MOV10: variants seen among roughly 807,000 people sequenced by gnomAD.
The protein encoded by MOV10 is RNA helicase MOV-10.
MOV10 carries 39 observed loss-of-function variants against 108.4 expected under a neutral mutation model. The ratio of observed to expected loss-of-function variants is 0.36; its 90% CI spans 0.28 to 0.47. MOV10 has a LOEUF of 0.47. Among genes scored for constraint, MOV10 ranks in the 20% least tolerant of loss-of-function variants. MOV10 has a pLI of 1.00. For synonymous variants in MOV10, 490 were observed against 523.1 expected (o/e 0.94, Z 0.86); for missense variants, 952 against 1,297.6 (o/e 0.73, Z 4.09).
chr1:112,689,305 T>G, intron 3 of MOV10, 110 bp from the exon 4 acceptor site: 1 of 1,262,194 alleles, frequency 7.9e-7, no homozygotes, highest in Admixed American at 2.0e-5. Context: ...GTGAGTTTCC[T>G]AAGCACAGCT....
At chr1:112,686,009 G>A (rs1178828359) in intron 2 of MOV10, among the ~76,000 whole-genome samples, 2 of 152,108 alleles carry the variant, frequency 1.3e-5, no homozygotes, top group Non-Finnish European at 2.9e-5. Context: ...CTGGCCATCC[G>A]GGGCCTGCAT....
At chr1:112,698,198 A>T in intron 15 of MOV10, 87 bp downstream of exon 15, 1 of 1,597,790 alleles carries the variant, frequency 6.3e-7, no homozygotes, top group Middle Eastern at 1.7e-4. Context: ...ACCTTGGCCT[A>T]GGATCTCTTA....
intron 4 of MOV10, 47 bp from the exon 5 acceptor site, chr1:112,689,793 T>C (rs780297800): frequency 2.7e-5 from 43 of 1,600,108 alleles, no homozygotes; most frequent in Non-Finnish European, 3.3e-5. Flanking sequence ...GATAAGGATA[T>C]GGGTGGGAGG....
intron 14 of MOV10, chr1:112,697,786 G>A (rs1674243755): frequency 1.6e-6 from 1 of 607,780 alleles, no homozygotes; most frequent in South Asian, 1.9e-5. Flanking sequence ...GGAGTCCCTG[G>A]ACTAGATGCT....
At chr1:112,684,693 C>T (rs557534159) in intron 2 of MOV10, among the ~76,000 whole-genome samples, 3 of 152,192 alleles carry the variant, frequency 2.0e-5, no homozygotes, top group African/African-American at 7.2e-5. Context: ...TCCACATACC[C>T]ATTATAGTAA....
rs749104311 is a variant in MOV10 at position 112,698,421 on chromosome 1, G to A, written c.2451G>A (p.Lys817=). The part of the protein sequence containing the change: ...LKLLLAPSSK[K]GKARLSPRSV... ...TGCTCCTGGCCCCCTCCTCCAAGAA[G>A]GGCAAAGCTCGCCTGAGCCCTCGAA... Residue 817 remains lysine, a synonymous_variant, in exon 16 of 21, where the codon AAG becomes AAA. Transcript: ENST00000369645. The A allele has an allele frequency of 3.7e-6, 6 of 1,614,192 alleles. No homozygotes were observed. In the South Asian group the frequency reaches 6.6e-5, roughly 18 times the overall value.
chr1:112,676,893 G>T (rs1022309262), intron 2 of MOV10, among the ~76,000 whole-genome samples: 1 of 152,220 alleles, frequency 6.6e-6, no homozygotes, highest in African/African-American at 2.4e-5. Flanking sequence ...TGATCAAGGA[G>T]AGTCTTTGTC....
At position 112,694,770 on chromosome 1, in the gene MOV10, G is replaced by C. The variant is rs1461482495; in HGVS notation, c.1494G>C (p.Glu498Asp). 2 of 1,614,142 alleles carry C rather than the reference G, an allele frequency of 1.2e-6. No homozygotes were observed. The highest frequency in any genetic ancestry group is 1.7e-6 in the Non-Finnish European group (2 of 1,180,010). Residue 498 changes from glutamate (E) to aspartate (D), a missense_variant, in exon 10 of 21, where the codon GAG (glutamate) becomes GAC (aspartate). By Grantham distance (45) the Glu-to-Asp change is conservative. Transcript: ENST00000369645. The surrounding 1 kb of genome is among the most constrained non-coding windows in gnomAD (Gnocchi z 4.1). ...CCAGGCTGTACGACCGGAGTCTGGAGTCAAACCCAGAGCAGCTGCAGGCCA... is the reference window on the plus strand; with the variant it reads ...CCAGGCTGTACGACCGGAGTCTGGACTCAAACCCAGAGCAGCTGCAGGCCA... Reference protein sequence around the residue: ...VKLKLYDRSLESNPEQLQAMR... With the variant: ...VKLKLYDRSLDSNPEQLQAMR...
Position 112,700,698 on chromosome 1 carries a change from A to G in MOV10, c.*191A>G. 1 of 1,524,686 alleles carries G rather than the reference A, an allele frequency of 6.6e-7. No homozygotes were observed. The highest frequency in any genetic ancestry group is 8.8e-7 in the Non-Finnish European group (1 of 1,142,824). The allele number at this position is 1,524,686 out of a possible 1,614,324, so 94.4% of individuals were successfully genotyped here. A position where few individuals can be genotyped will look rare whatever the true frequency, so the allele number is the denominator to read the frequency against. ...AGCTGCTAACAATTGGGGGAAGGGGAAGGAAGAAAACTCTGAAAACAAAAT... is the reference window on the plus strand; with the variant it reads ...AGCTGCTAACAATTGGGGGAAGGGGGAGGAAGAAAACTCTGAAAACAAAAT... On this transcript the variant is annotated 3_prime_UTR_variant, in exon 21 of 21. Coordinates refer to ENST00000369645, the MANE Select transcript of MOV10 (RefSeq NM_001321324.2).
intron 14 of MOV10, among the ~76,000 whole-genome samples, chr1:112,697,131 A>G (rs1037528723): frequency 6.6e-5 from 10 of 152,120 alleles, no homozygotes; most frequent in African/African-American, 1.9e-4. Context: ...TCCCAGATGA[A>G]GTTTTCAGGC....
Position 112,694,833 on chromosome 1 carries a change from C to G in MOV10, c.1557C>G (p.Pro519=). The stretch of plus-strand genomic sequence containing the variant: ...TTACGGGCACCACCCGTCCAGCCCC[C>G]TACATCATCTTTGGGCCTCCAGGCA... The part of the protein sequence containing the change: ...HIVTGTTRPA[P]YIIFGPPGTG... The change falls in exon 10 of 21, where the codon CCC becomes CCG. Residue 519 remains proline (P), a synonymous_variant. Transcript: ENST00000369645. This position sits in a 1 kb window ranked among gnomAD's most constrained non-coding sequence, Gnocchi z 4.1. The G allele has an allele frequency of 6.2e-7, 1 of 1,614,160 alleles. No homozygotes were observed. The highest frequency in any genetic ancestry group is 1.1e-5 in the South Asian group (1 of 91,092).
At chr1:112,680,068 A>G (rs138499674) in intron 2 of MOV10, among the ~76,000 whole-genome samples, 1 of 152,258 alleles carries the variant, frequency 6.6e-6, no homozygotes, top group Non-Finnish European at 1.5e-5. Flanking sequence ...CACTAGAGAA[A>G]AAAACACACC....
chr1:112,694,822 C>T lies in MOV10; in HGVS notation c.1546C>T (p.Arg516Cys), dbSNP rs777118633. ...AMRHIVTGTT[R>C]PAPYIIFGPP... Reference sequence around the variant, plus strand: ...GAGGCACATTGTTACGGGCACCACCCGTCCAGCCCCCTACATCATCTTTGG... The same window carrying T: ...GAGGCACATTGTTACGGGCACCACCTGTCCAGCCCCCTACATCATCTTTGG... Residue 516 changes from arginine (R) to cysteine (C), a missense_variant, in exon 10 of 21, where the codon CGT becomes TGT. Coordinates refer to ENST00000369645, the MANE Select transcript of MOV10 (RefSeq NM_001321324.2). This position sits in a 1 kb window ranked among gnomAD's most constrained non-coding sequence, Gnocchi z 4.1. 1.2e-6 allele frequency: 2 copies of T among 1,614,156 alleles called. No homozygotes were observed. Among genetic ancestry groups the T allele is most frequent in the Admixed American group, 1.7e-5 (1 of 60,020 alleles).
chr1:112,680,234 A>G (rs1381410043), intron 2 of MOV10, among the ~76,000 whole-genome samples: 1 of 152,170 alleles, frequency 6.6e-6, no homozygotes, highest in Admixed American at 6.5e-5. Context: ...TTATATGCAT[A>G]GAAAAAAATC....
intron 5 of MOV10, 52 bp from the exon 6 acceptor site, chr1:112,691,611 TCA>T: frequency 6.3e-7 from 1 of 1,589,002 alleles, no homozygotes; most frequent in South Asian, 1.1e-5. Flanking sequence ...AGGGGCGTTC[TCA>T]GAGTGTTGGA....
At chr1:112,674,637 G>A, upstream of MOV10, 1 of 316,684 alleles carries the variant, frequency 3.2e-6, no homozygotes, top group Non-Finnish European at 5.8e-6. Context: ...TGGGGTAAGG[G>A]GAGGGCCCTG....
At chr1:112,677,785 A>G (rs1344748582) in intron 2 of MOV10, among the ~76,000 whole-genome samples, 1 of 152,102 alleles carries the variant, frequency 6.6e-6, no homozygotes, top group Non-Finnish European at 1.5e-5. Flanking sequence ...GGGGTATAGC[A>G]AGTCACACTC....
Position 112,699,797 on chromosome 1 carries a change from T to C in MOV10, c.2696T>C (p.Leu899Pro). The C allele has an allele frequency of 6.2e-7, 1 of 1,614,218 alleles. No homozygotes were observed. Among genetic ancestry groups the C allele is most frequent in the Non-Finnish European group, 8.5e-7 (1 of 1,180,026 alleles). ...QLDLDFNLGF[L>P]KNPKRFNVAV... ...GATCTGGACTTTAATCTGGGTTTCC[T>C]TAAGAACCCCAAGGTTTGAGGGCTG... The change falls in exon 18 of 21, where the codon CTT (leucine) becomes CCT (proline). Residue 899 changes from leucine to proline, a missense_variant. This residue lies in a region of MOV10 where 65 missense variants were observed against 124.3 expected (regional missense o/e 0.52). Transcript: ENST00000369645.
At position 112,690,006 on chromosome 1, in the gene MOV10, A is replaced by G; in HGVS notation, c.744A>G (p.Ala248=). 1.2e-6 allele frequency: 2 copies of G among 1,614,130 alleles called. No individual in the cohort carries two copies. The change falls in exon 5 of 21, where the codon GCA becomes GCG. Residue 248 remains alanine, a synonymous_variant. Transcript: ENST00000369645. The stretch of plus-strand genomic sequence containing the variant: ...CCGTCGCCCACAGCCCCCTGGCTGC[A>G]CAGCTGAAGCCCATGACTCCCTTCA... ...LAAVAHSPLA[A]QLKPMTPFKR... is the part of the protein sequence containing the mutation.
Sources: allele counts gnomAD v4.1 joint callset (sites outside exome capture counted in the v4.1 genomes callset), GRCh38; gene constraint gnomAD v4.1.1; regional missense constraint gnomAD v4.1.1; non-coding constraint Gnocchi (gnomAD v3.1); transcripts MANE v1.5; gene names NCBI Gene and HGNC (gene_info 2026-07-23, HGNC 2026-07-21).